Variants in FBXW12 observed in about 807,000 individuals in gnomAD.
FBXW12 encodes the protein F-box/WD repeat-containing protein 12.
In FBXW12, 43 loss-of-function variants were observed where a neutral mutation model predicts 55.3. The ratio of observed to expected loss-of-function variants is 0.78; its 90% CI spans 0.61 to 1.00. The LOEUF (loss-of-function observed/expected upper bound fraction) is 1.00. FBXW12 is among the 50% of genes least tolerant of loss of function. FBXW12 has a pLI of 0.00. For missense variants in FBXW12, 524 were observed against 560.5 expected (o/e 0.93, Z 0.66); for synonymous variants, 184 against 203.8 (o/e 0.90, Z 0.83).
chr3:48,389,445 C>A (rs2036891272), intron 10 of FBXW12, among the ~76,000 whole-genome samples: 1 of 152,182 alleles, frequency 6.6e-6, no homozygotes, highest in South Asian at 2.1e-4. Flanking sequence ...GTGGCACAAT[C>A]TGGGCTCACT....
Position 48,381,862 on chromosome 3 carries a change from TCAA to T in FBXW12, c.1153_1155del (p.Asn385del). ...CGATTTGAGGACCATCAGGCAGCCA[TCAA>T]CAACTTCTGGGTGGTATGTATGATT... On this transcript the variant is annotated inframe_deletion, in exon 9 of 11. Transcript: ENST00000296438. 6.2e-7 allele frequency: 1 copy of T among 1,607,612 alleles called. No homozygotes were observed. Among genetic ancestry groups the T allele is most frequent in the Non-Finnish European group, 8.5e-7 (1 of 1,175,394 alleles).
chr3:48,379,494 T>C lies in FBXW12; in HGVS notation c.710T>C (p.Leu237Pro). The change falls in exon 7 of 11, where the codon CTA becomes CCA. Residue 237 changes from leucine to proline, a missense_variant. Leu to Pro is a moderately conservative substitution (Grantham distance 98). Transcript: ENST00000296438. ...VTAFQYGIVL[L>P]HCSPDKKWVF... ...GCATTTCAATATGGTATTGTACTTCTACACTGCTCTCCTGACAAGAAATGG... is the reference window on the plus strand; with the variant it reads ...GCATTTCAATATGGTATTGTACTTCCACACTGCTCTCCTGACAAGAAATGG... 6.2e-7 allele frequency: 1 copy of C among 1,614,096 alleles called. No homozygotes were observed.
Position 48,378,167 on chromosome 3 carries a change from A to G in FBXW12, c.406-150A>G, listed in dbSNP as rs2036711099. On this transcript the variant is annotated intron_variant, in intron 5 of 10. Transcript: ENST00000296438. ...TCCTGTTTTCATGTTCACTCCTCCA[A>G]AATATTGAGATGTGGAGAACTTTCA... 3 of 636,866 alleles carry G rather than the reference A, an allele frequency of 4.7e-6. No homozygotes were observed. The Admixed American group carries it at 8.5e-5, about 18-fold the overall frequency. 39.5% of individuals were successfully genotyped at this position (636,866 alleles called of 1,614,324 possible).
chr3:48,375,977 T>TTC lies in FBXW12; in HGVS notation c.405+506_405+507insCT. On this transcript the variant is annotated intron_variant, in intron 5 of 10. Transcript: ENST00000296438. ...GGCGTGAGCCACTGCGCCCGGCCTTTTTTTTTTTTTTTTTTTTTTTTTTTG... is the reference window on the plus strand; with the variant it reads ...GGCGTGAGCCACTGCGCCCGGCCTTTTCTTTTTTTTTTTTTTTTTTTTTTTTG... 2.6e-5 allele frequency among the ~76,000 whole-genome samples: 3 copies of TTC among 115,528 alleles called. 1 individual carries two copies. The Middle Eastern group carries it at 0.012, about 455-fold the overall frequency. The allele number at this position is 115,528 out of a possible 152,430, so 75.8% of individuals were successfully genotyped here.
chr3:48,394,504 A>G, intron 10 of FBXW12, 56 bp from the exon 11 acceptor site: 1 of 988,436 alleles, frequency 1.0e-6, no homozygotes, highest in Non-Finnish European at 1.6e-6. Context: ...AGTATTAACA[A>G]TGGATGTACC....
At chr3:48,372,411 G>T in intron 1 of FBXW12, 91 bp downstream of exon 1, 1 of 1,435,852 alleles carries the variant, frequency 7.0e-7, no homozygotes, top group South Asian at 1.2e-5. Context: ...ATCAAAGTGA[G>T]TGCACTCGGT....
At position 48,380,820 on chromosome 3, in the gene FBXW12, C is replaced by T; in HGVS notation, c.893C>T (p.Thr298Ile). 1.9e-6 allele frequency: 3 copies of T among 1,614,204 alleles called. No individual in the cohort carries two copies. Among genetic ancestry groups the T allele is most frequent in the Non-Finnish European group, 2.5e-6 (3 of 1,180,026 alleles). Reference sequence around the variant, plus strand: ...ACCCCAAAGGTGAAAAACAGGATAACACTGATGTCCCAAAGTAGCACTGGA... The same window carrying T: ...ACCCCAAAGGTGAAAAACAGGATAATACTGATGTCCCAAAGTAGCACTGGA... ...CWTPKVKNRI[T>I]LMSQSSTGKK... is the part of the protein sequence containing the mutation. The change falls in exon 8 of 11, where the codon ACA becomes ATA. Residue 298 changes from threonine (T) to isoleucine (I), a missense_variant. Transcript: ENST00000296438.
chr3:48,376,178 C>T (rs961713762), intron 5 of FBXW12, among the ~76,000 whole-genome samples: 2 of 151,804 alleles, frequency 1.3e-5, no homozygotes, highest in African/African-American at 4.8e-5. Context: ...GACGGGGTTT[C>T]GCCATGTTGG....
chr3:48,378,184 G>T, intron 5 of FBXW12, 133 bp from the exon 6 acceptor site: 1 of 669,868 alleles, frequency 1.5e-6, no homozygotes, highest in East Asian at 2.7e-5. Context: ...GAGATGTGGA[G>T]AACTTTCATA....
intron 10 of FBXW12, among the ~76,000 whole-genome samples, chr3:48,385,206 A>T (rs981816307): frequency 3.3e-5 from 5 of 152,168 alleles, no homozygotes; most frequent in Non-Finnish European, 4.4e-5. Flanking sequence ...AAGATGTCAC[A>T]CATAAGTGAG....
intron 7 of FBXW12, 95 bp from the exon 8 acceptor site, chr3:48,380,607 G>A (rs2036751527): frequency 2.2e-6 from 2 of 890,860 alleles, no homozygotes; most frequent in Non-Finnish European, 3.7e-6. Flanking sequence ...TTGGCCACAA[G>A]ATGAGAATTT....
At chr3:48,382,306 T>C (rs762660555) in intron 10 of FBXW12, among the ~76,000 whole-genome samples, 1 of 152,080 alleles carries the variant, frequency 6.6e-6, no homozygotes, top group East Asian at 1.9e-4. Context: ...TAGTAGAGAC[T>C]GGGTTTCCCC....
chr3:48,372,382 A>C, intron 1 of FBXW12, 62 bp downstream of exon 1: 1 of 1,523,832 alleles, frequency 6.6e-7, no homozygotes, highest in Non-Finnish European at 8.9e-7. Context: ...AAATAGAGTC[A>C]TAGAGACACT....
chr3:48,388,644 A>G (rs1372354275), intron 10 of FBXW12, among the ~76,000 whole-genome samples: 5 of 152,156 alleles, frequency 3.3e-5, no homozygotes, highest in African/African-American at 1.2e-4. Flanking sequence ...TTATATCATT[A>G]TATTTGAAGT....
chr3:48,386,064 A>T (rs999587275), intron 10 of FBXW12, among the ~76,000 whole-genome samples: 3 of 152,156 alleles, frequency 2.0e-5, no homozygotes, highest in Non-Finnish European at 4.4e-5. Flanking sequence ...TTGGGGTCAT[A>T]TCCGAAAACT....
chr3:48,394,128 G>A (rs1367463700), intron 10 of FBXW12, among the ~76,000 whole-genome samples: 1 of 151,968 alleles, frequency 6.6e-6, no homozygotes, highest in Non-Finnish European at 1.5e-5. Flanking sequence ...CGTGCCTGTA[G>A]TTCCAACTAC....
In FBXW12 at chr3:48,372,279, C is replaced by A; in HGVS notation, c.-126C>A. The A allele has an allele frequency of 6.4e-7, 1 of 1,552,102 alleles. No individual in the cohort carries two copies. The highest frequency in any genetic ancestry group is 8.7e-7 in the Non-Finnish European group (1 of 1,147,052). On this transcript the variant is annotated 5_prime_UTR_variant, in exon 1 of 11. Coordinates refer to ENST00000296438, the MANE Select transcript of FBXW12 (RefSeq NM_207102.2). Reference sequence around the variant, plus strand: ...GGTAGAAACCCAGAGGCCATGCTGGCGCTGAGAGATGAGCCCCACTCACCA... The same window carrying A: ...GGTAGAAACCCAGAGGCCATGCTGGAGCTGAGAGATGAGCCCCACTCACCA...
rs1336110027 is a variant in FBXW12, at chr3:48,380,709, TCA to T, written c.785_786del (p.Thr262ArgfsTer20). 1.9e-6 allele frequency: 3 copies of T among 1,613,086 alleles called. No homozygotes were observed. Among genetic ancestry groups the T allele is most frequent in the South Asian group, 1.1e-5 (1 of 91,066 alleles). Reference sequence around the variant, plus strand: ...ATGCGATGCTCTCTTTAGGTATTCCTCACAGAGTCCTTACTGAGACCATCAGA... The same window carrying T: ...ATGCGATGCTCTCTTTAGGTATTCCTCAGAGTCCTTACTGAGACCATCAGA... On this transcript the variant is annotated frameshift_variant, in exon 8 of 11. Transcript: ENST00000296438. LOFTEE classifies it high-confidence loss of function.
chr3:48,382,065 G>A lies in FBXW12; in HGVS notation c.1275G>A (p.Trp425Ter). ...LRSCCHLENT[W>*]HDHTTDSCIS... The stretch of plus-strand genomic sequence containing the variant: ...GCTGCTGTCACCTGGAAAACACGTG[G>A]CATGATCACACAACAGACAGGTAAG... Residue 425 changes from tryptophan to a stop codon, truncating the protein, a stop_gained, in exon 10 of 11, where the codon TGG (tryptophan) becomes TGA (stop). Coordinates refer to ENST00000296438, the MANE Select transcript of FBXW12 (RefSeq NM_207102.2). LOFTEE classifies it low-confidence loss of function (END_TRUNC). The A allele has an allele frequency of 2.5e-6, 4 of 1,613,980 alleles. No individual in the cohort carries two copies. Among genetic ancestry groups the A allele is most frequent in the Non-Finnish European group, 3.4e-6 (4 of 1,180,026 alleles).
Sources: gnomAD v4.1 joint callset for allele counts (sites outside exome capture counted in the v4.1 genomes callset) on GRCh38, gnomAD v4.1.1 for gene constraint, MANE v1.5 for transcripts, NCBI Gene and HGNC (gene_info 2026-07-23, HGNC 2026-07-21) for gene names.